Variants in LUZP2 observed in about 807,000 individuals in gnomAD.
LUZP2 encodes the protein leucine zipper protein 2.
LUZP2 carries 52 observed loss-of-function variants against 51.6 expected under a neutral mutation model. The ratio of observed to expected loss-of-function variants is 1.01; its 90% CI spans 0.81 to 1.27. The LOEUF (loss-of-function observed/expected upper bound fraction) is 1.27. Among genes scored for constraint, LUZP2 ranks in the 50% most tolerant of loss-of-function variants. The probability of loss-of-function intolerance (pLI) is 0.00; values close to 1 mark genes in which losing one functional copy is unlikely to be tolerated. For missense variants in LUZP2, 436 were observed against 395.4 expected, an observed-to-expected ratio of 1.10 and a Z score of -0.87; for synonymous variants, 154 against 137.3, an observed-to-expected ratio of 1.12 and a Z score of -0.85.
intron 1 of LUZP2, among the ~76,000 whole-genome samples, chr11:24,594,934 G>A (rs1052495697): frequency 2.6e-5 from 4 of 151,178 alleles, no homozygotes; most frequent in Non-Finnish European, 5.9e-5. Context: ...TAATTTTTTT[G>A]TATTTTTAGT....
intron 1 of LUZP2, among the ~76,000 whole-genome samples, chr11:24,575,916 A>C (rs1242244717): frequency 6.6e-6 from 1 of 152,004 alleles, no homozygotes; most frequent in Non-Finnish European, 1.5e-5. Context: ...GTAATACTCT[A>C]GAAGTTGGAG....
chr11:24,694,936 G>C (rs543867555), intron 1 of LUZP2, among the ~76,000 whole-genome samples: 6 of 151,728 alleles, frequency 4.0e-5, no homozygotes, highest in African/African-American at 1.2e-4. Flanking sequence ...CTGTGTAGGG[G>C]GCAAGGGGAG....
intron 7 of LUZP2, among the ~76,000 whole-genome samples, chr11:24,924,152 A>C (rs1854158861): frequency 6.7e-6 from 1 of 149,856 alleles, no homozygotes; most frequent in South Asian, 2.1e-4. Context: ...ATCTCGGCTC[A>C]CTGCAACCTC....
chr11:24,881,328 AGAG>A (rs1852461181), intron 5 of LUZP2, among the ~76,000 whole-genome samples: 1 of 148,998 alleles, frequency 6.7e-6, no homozygotes, highest in African/African-American at 2.5e-5. Flanking sequence ...AAAAAAAAAA[AGAG>A]AGAGAGACAG....
intron 5 of LUZP2, among the ~76,000 whole-genome samples, chr11:24,813,016 C>A (rs1181265301): frequency 6.6e-6 from 1 of 152,180 alleles, no homozygotes; most frequent in East Asian, 1.9e-4. Flanking sequence ...TCTTTTCCCT[C>A]TTTGCTCACC....
intron 1 of LUZP2, among the ~76,000 whole-genome samples, chr11:24,497,816 T>A (rs1233231198): frequency 6.6e-6 from 1 of 152,190 alleles, no homozygotes; most frequent in Admixed American, 6.5e-5. Context: ...TGAAATGGCA[T>A]GTTTCAACGT....
chr11:24,555,984 A>C (rs995617901), intron 1 of LUZP2, among the ~76,000 whole-genome samples: 1 of 152,178 alleles, frequency 6.6e-6, no homozygotes, highest in South Asian at 2.1e-4. Context: ...TCTCAAAAAA[A>C]AGAAAGCTAT....
chr11:25,073,742 C>T lies in LUZP2; in HGVS notation c.859-3587C>T, dbSNP rs180695435. On this transcript the variant is annotated intron_variant, in intron 10 of 11. Coordinates refer to ENST00000336930, the MANE Select transcript of LUZP2 (RefSeq NM_001009909.4). ...TTTTCTATGTTTGGTAATTGCATCA[C>T]TGTTGATTCTGTGACATAAAATAAT... Among the ~76,000 whole-genome samples, 18 of 152,144 alleles carry T rather than the reference C, an allele frequency of 1.2e-4. 1 individual carries two copies. The East Asian group carries it at 2.5e-3, about 21-fold the overall frequency.
chr11:24,931,395 C>A (rs960301466), intron 7 of LUZP2, among the ~76,000 whole-genome samples: 1 of 152,086 alleles, frequency 6.6e-6, no homozygotes, highest in African/African-American at 2.4e-5. Flanking sequence ...CCCTCCACAC[C>A]TGTGGGCGTT....
intron 1 of LUZP2, among the ~76,000 whole-genome samples, chr11:24,657,209 T>G (rs1008333506): frequency 6.6e-6 from 1 of 152,136 alleles, no homozygotes; most frequent in African/African-American, 2.4e-5. Context: ...GGAATAGATG[T>G]TAGAAGTTAT....
intron 1 of LUZP2, among the ~76,000 whole-genome samples, chr11:24,656,871 A>G (rs1301777463): frequency 6.6e-6 from 1 of 152,118 alleles, no homozygotes; most frequent in Non-Finnish European, 1.5e-5. Context: ...TGCTCATATG[A>G]TTAGATTGAG....
rs529041515 is a variant in LUZP2, at chr11:24,525,512, G to T, written c.62+28207G>T. 2.6e-5 allele frequency among the ~76,000 whole-genome samples: 4 copies of T among 151,592 alleles called. No individual in the cohort carries two copies. The South Asian group carries it at 6.2e-4, about 24-fold the overall frequency. On this transcript the variant is annotated intron_variant, in intron 1 of 11. Coordinates refer to ENST00000336930, the MANE Select transcript of LUZP2 (RefSeq NM_001009909.4). ...CAAAGTTAAGTTAAATTGCTGTAAC[G>T]TAAAGAATATGTATGTTGTCATAGG...
chr11:24,595,466 G>T (rs1436750599), intron 1 of LUZP2, among the ~76,000 whole-genome samples: 1 of 152,146 alleles, frequency 6.6e-6, no homozygotes, highest in African/African-American at 2.4e-5. Flanking sequence ...CGGGGGCAAA[G>T]CGCTCTATGA....
At chr11:24,537,126 A>C (rs1851200619) in intron 1 of LUZP2, among the ~76,000 whole-genome samples, 1 of 151,940 alleles carries the variant, frequency 6.6e-6, no homozygotes, top group Non-Finnish European at 1.5e-5. Context: ...CACTGACTAC[A>C]GATCACTATA....
chr11:24,567,909 G>C (rs956246108), intron 1 of LUZP2, among the ~76,000 whole-genome samples: 3 of 151,812 alleles, frequency 2.0e-5, no homozygotes, highest in African/African-American at 7.3e-5. Context: ...AAAGAACACT[G>C]GTAAGAAGGT....
intron 1 of LUZP2, among the ~76,000 whole-genome samples, chr11:24,727,720 G>T (rs1565101649): frequency 1.3e-5 from 2 of 151,938 alleles, no homozygotes; most frequent in South Asian, 4.1e-4. Flanking sequence ...CTGATTACTG[G>T]TTGACTACTG....
chr11:25,078,342 T>C (rs962133719), intron 11 of LUZP2, among the ~76,000 whole-genome samples: 2 of 152,236 alleles, frequency 1.3e-5, no homozygotes, highest in African/African-American at 4.8e-5. Flanking sequence ...TTTTGAAATG[T>C]TTTGCTGTTT....
intron 6 of LUZP2, among the ~76,000 whole-genome samples, chr11:24,910,085 G>C (rs1201636681): frequency 1.3e-5 from 2 of 152,152 alleles, no homozygotes; most frequent in Non-Finnish European, 1.5e-5. Context: ...CTATGCTGTA[G>C]CAAAGAGACT....
chr11:25,033,458 A>G (rs1336975167), intron 9 of LUZP2, among the ~76,000 whole-genome samples: 2 of 152,186 alleles, frequency 1.3e-5, no homozygotes, highest in East Asian at 3.9e-4. Flanking sequence ...CATGATGTAC[A>G]TGTGTACGTT....
Sources: allele counts gnomAD v4.1 joint callset (sites outside exome capture counted in the v4.1 genomes callset), GRCh38; gene constraint gnomAD v4.1.1; transcripts MANE v1.5; gene names NCBI Gene and HGNC (gene_info 2026-07-23, HGNC 2026-07-21).